Variants in SLCO6A1 observed in about 807,000 individuals in gnomAD.
SLCO6A1 encodes the protein cancer/testis antigen 48.
In SLCO6A1, 65 loss-of-function variants were observed where a neutral mutation model predicts 72.7. The observed-to-expected ratio is 0.89, with a 90% CI of 0.73 to 1.10. SLCO6A1 has a LOEUF of 1.10. Among genes scored for constraint, SLCO6A1 ranks in the 50% least tolerant of loss-of-function variants. SLCO6A1 has a pLI of 0.00. For synonymous variants in SLCO6A1, 314 were observed against 298.2 expected (o/e 1.05, Z -0.55); for missense variants, 874 against 872.6 (o/e 1.00, Z -0.02).
rs775026875 is a variant in SLCO6A1 at position 102,480,253 on chromosome 5, T to C, written c.540A>G (p.Leu180=). The change falls in exon 2 of 14, where the codon TTA becomes TTG. Residue 180 remains leucine (L), a synonymous_variant. Transcript: ENST00000506729. ...CACATAAAAGTGATCCAAGTCCTAT[T>C]AAAAAGGAGGAAGCTACAAACCATA... The part of the protein sequence containing the change: ...KVIWFVASSF[L]IGLGSLLCAF... The C allele has an allele frequency of 4.3e-6, 7 of 1,613,146 alleles. No homozygotes were observed. The highest frequency in any genetic ancestry group is 5.1e-6 in the Non-Finnish European group (6 of 1,179,432).
chr5:102,427,840 GTATACATATA>G lies in SLCO6A1; in HGVS notation c.1277-7829_1277-7820del, dbSNP rs371770574. On this transcript the variant is annotated intron_variant, in intron 7 of 13. Transcript: ENST00000506729. ...AAACCCCCTCTCTCTGTGTGTGTATGTATACATATATATATATATATATATTTTTTTTTTT... is the reference window on the plus strand; with the variant it reads ...AAACCCCCTCTCTCTGTGTGTGTATGTATATATATATATATTTTTTTTTTT... Among the ~76,000 whole-genome samples, 195 of 102,708 alleles carry G rather than the reference GTATACATATA, an allele frequency of 1.9e-3. 2 individuals carry two copies. Among genetic ancestry groups the G allele is most frequent in the African/African-American group, 6.4e-3 (184 of 28,590 alleles). The allele number at this position is 102,708 out of a possible 152,430, so 67.4% of individuals were successfully genotyped here.
In SLCO6A1 at chr5:102,449,639, G is replaced by C. The variant is rs546092894; in HGVS notation, c.1131+8743C>G. ...CTGACCTCGTGATCCGCCCGCCTCG[G>C]CCCCCCAAAGTGCTGGGATTACAGG... On this transcript the variant is annotated intron_variant, in intron 6 of 13. Transcript: ENST00000506729. Among the ~76,000 whole-genome samples the C allele has an allele frequency of 8.6e-3, 1,301 of 152,162 alleles. 14 individuals carry two copies. The highest frequency in any genetic ancestry group is 0.03 in the African/African-American group (1,225 of 41,510).
intron 7 of SLCO6A1, among the ~76,000 whole-genome samples, chr5:102,434,193 C>T (rs147792301): frequency 2.1e-4 from 32 of 152,092 alleles, no homozygotes; most frequent in East Asian, 9.7e-4. Flanking sequence ...GATATTTATA[C>T]GATGAGTAGC....
chr5:102,393,997 C>T (rs1436653953), intron 10 of SLCO6A1, among the ~76,000 whole-genome samples: 2 of 152,170 alleles, frequency 1.3e-5, no homozygotes, highest in African/African-American at 4.8e-5. Context: ...GTTTGCTTGT[C>T]TTCCAGTTGT....
intron 12 of SLCO6A1, among the ~76,000 whole-genome samples, chr5:102,377,708 G>A (rs1172248395): frequency 6.6e-6 from 1 of 151,588 alleles, no homozygotes; most frequent in Non-Finnish European, 1.5e-5. Flanking sequence ...ATCTCACTCT[G>A]TCACCCAGGC....
At chr5:102,427,840 G>GTGTATATATATATATA (rs1748980248) in intron 7 of SLCO6A1, among the ~76,000 whole-genome samples, 1 of 102,748 alleles carries the variant, frequency 9.7e-6, no homozygotes, top group Non-Finnish European at 2.0e-5. Context: ...GTGTGTGTAT[G>GTGTATATATATATATA]TATACATATA....
intron 1 of SLCO6A1, among the ~76,000 whole-genome samples, chr5:102,486,433 G>A (rs188585295): frequency 6.6e-6 from 1 of 152,044 alleles, no homozygotes; most frequent in African/African-American, 2.4e-5. Context: ...ATACTTTAAT[G>A]GAAGATTTTC....
chr5:102,440,114 C>T (rs146876771), intron 6 of SLCO6A1, among the ~76,000 whole-genome samples: 2 of 152,228 alleles, frequency 1.3e-5, no homozygotes, highest in Admixed American at 1.3e-4. Context: ...AAGAGAGATG[C>T]AGAGGATATG....
At chr5:102,396,532 T>C (rs1747093366) in intron 10 of SLCO6A1, among the ~76,000 whole-genome samples, 1 of 152,212 alleles carries the variant, frequency 6.6e-6, no homozygotes, top group Admixed American at 6.5e-5. Flanking sequence ...ATTATCATGT[T>C]AAAATTATAA....
At chr5:102,391,826 A>G (rs1196213474) in intron 10 of SLCO6A1, among the ~76,000 whole-genome samples, 1 of 147,116 alleles carries the variant, frequency 6.8e-6, no homozygotes, top group East Asian at 2.0e-4. Flanking sequence ...TTTAAAAGCT[A>G]AAATAAATGA....
At chr5:102,475,906 TAGTC>T in intron 3 of SLCO6A1, 113 bp from the exon 4 acceptor site, 1 of 626,894 alleles carries the variant, frequency 1.6e-6, no homozygotes, top group South Asian at 2.7e-5. Flanking sequence ...CATTCTGTAT[TAGTC>T]AGAGCTCTCC....
chr5:102,377,387 C>G (rs894889954), intron 12 of SLCO6A1, among the ~76,000 whole-genome samples: 2 of 152,032 alleles, frequency 1.3e-5, no homozygotes, highest in East Asian at 1.9e-4. Flanking sequence ...TAGAAGAGTA[C>G]AGTCTTCTAC....
At chr5:102,441,263 T>C (rs1041896519) in intron 6 of SLCO6A1, among the ~76,000 whole-genome samples, 1 of 152,206 alleles carries the variant, frequency 6.6e-6, no homozygotes, top group African/African-American at 2.4e-5. Context: ...ATCACTTTTA[T>C]ACATAATAGG....
At chr5:102,469,568 C>T (rs1034990759) in intron 4 of SLCO6A1, among the ~76,000 whole-genome samples, 30 of 152,044 alleles carry the variant, frequency 2.0e-4, no homozygotes, top group African/African-American at 6.7e-4. Context: ...GCTGAGACGA[C>T]GGGGTTTTCT....
rs551306316 is a variant in SLCO6A1 at position 102,413,300 on chromosome 5, C to T, written c.1473-157G>A. 3.9e-5 allele frequency among the ~76,000 whole-genome samples: 6 copies of T among 152,104 alleles called. No homozygotes were observed. In the East Asian group the frequency reaches 9.7e-4, roughly 24 times the overall value. On this transcript the variant is annotated intron_variant, in intron 8 of 13. Transcript: ENST00000506729. Reference sequence around the variant, plus strand: ...TCTGAGGTACAATAGACTGCACATACTTAGACTAAAATTTGAAGATTTTTG... The same window carrying T: ...TCTGAGGTACAATAGACTGCACATATTTAGACTAAAATTTGAAGATTTTTG...
chr5:102,376,904 C>T (rs1745827554), intron 12 of SLCO6A1, among the ~76,000 whole-genome samples: 1 of 152,098 alleles, frequency 6.6e-6, no homozygotes, highest in African/African-American at 2.4e-5. Flanking sequence ...GTGGCTAGCA[C>T]CTGTAATTCC....
chr5:102,390,423 T>C lies in SLCO6A1; in HGVS notation c.1879+558A>G, dbSNP rs561425704. On this transcript the variant is annotated intron_variant, in intron 11 of 13. Coordinates refer to ENST00000506729, the MANE Select transcript of SLCO6A1 (RefSeq NM_173488.5). ...TAGATTTTTCTACATTTTTAAATTA[T>C]ATGCCTTTCAGTCTTTAATCCAAGA... Among the ~76,000 whole-genome samples the C allele has an allele frequency of 2.5e-4, 38 of 152,312 alleles. No homozygotes were observed. The South Asian group carries it at 7.9e-3, about 32-fold the overall frequency.
chr5:102,421,470 GCAGTTTTCCCCT>G (rs1251525558), intron 7 of SLCO6A1, among the ~76,000 whole-genome samples: 3 of 152,114 alleles, frequency 2.0e-5, no homozygotes, highest in Non-Finnish European at 4.4e-5. Context: ...GCTTGAGTAG[GCAGTTTTCCCCT>G]CACAGTGTAA....
chr5:102,379,012 C>T (rs545785717), intron 12 of SLCO6A1, among the ~76,000 whole-genome samples: 3 of 152,196 alleles, frequency 2.0e-5, no homozygotes, highest in Admixed American at 2.0e-4. Context: ...AACACATGAC[C>T]TCAGGCAATC....
Sources: gnomAD v4.1 joint callset for allele counts (sites outside exome capture counted in the v4.1 genomes callset) on GRCh38, gnomAD v4.1.1 for gene constraint, MANE v1.5 for transcripts, NCBI Gene and HGNC (gene_info 2026-07-23, HGNC 2026-07-21) for gene names.